Variants in PDGFD observed in about 807,000 individuals in gnomAD.
PDGFD encodes the protein platelet-derived growth factor D.
PDGFD carries 30 observed loss-of-function variants against 44.7 expected under a neutral mutation model. The ratio of observed to expected loss-of-function variants is 0.67; its 90% CI spans 0.50 to 0.91. The LOEUF (loss-of-function observed/expected upper bound fraction) is 0.91, where lower values mean the gene tolerates loss of function less well. Among genes scored for constraint, PDGFD ranks in the 40% least tolerant of loss-of-function variants. PDGFD has a pLI of 0.00. For missense variants in PDGFD, 445 were observed against 457.8 expected (o/e 0.97, Z 0.25); for synonymous variants, 173 against 168.4 (o/e 1.03, Z -0.21).
chr11:104,020,715 C>G (rs912159650), intron 1 of PDGFD, among the ~76,000 whole-genome samples: 2 of 152,044 alleles, frequency 1.3e-5, no homozygotes, highest in Non-Finnish European at 2.9e-5. Context: ...TCATATCTAT[C>G]CTAATATTAC....
chr11:104,160,153 G>T (rs1862369199), intron 1 of PDGFD, among the ~76,000 whole-genome samples: 1 of 152,082 alleles, frequency 6.6e-6, no homozygotes, highest in Non-Finnish European at 1.5e-5. Flanking sequence ...ACCACATTAA[G>T]AAACAAGCTT....
chr11:104,038,503 A>G (rs1860291766), intron 1 of PDGFD: 1 of 175,354 alleles, frequency 5.7e-6, no homozygotes, highest in Non-Finnish European at 1.4e-5. Flanking sequence ...TAGAAATGGT[A>G]GGTCAGTTAC....
At chr11:103,958,362 T>C (rs1858888330) in intron 3 of PDGFD, among the ~76,000 whole-genome samples, 1 of 152,190 alleles carries the variant, frequency 6.6e-6, no homozygotes, top group Non-Finnish European at 1.5e-5. Context: ...AAGTTCAGGT[T>C]TTCATAAATT....
intron 1 of PDGFD, among the ~76,000 whole-genome samples, chr11:104,014,413 T>C (rs67790686): frequency 0.098 from 14,864 of 152,138 alleles, 828 homozygotes; most frequent in African/African-American, 0.16. Context: ...GGAGGACTGC[T>C]TAAGCTCAGG....
intron 3 of PDGFD, among the ~76,000 whole-genome samples, chr11:103,956,323 T>C (rs1362291686): frequency 6.6e-6 from 1 of 151,754 alleles, no homozygotes; most frequent in Non-Finnish European, 1.5e-5. Flanking sequence ...TTTGGTTTTT[T>C]GTCTTTGCGA....
chr11:103,993,714 G>A (rs560310284), intron 3 of PDGFD, among the ~76,000 whole-genome samples: 1 of 152,208 alleles, frequency 6.6e-6, no homozygotes, highest in African/African-American at 2.4e-5. Flanking sequence ...GAAGAGTTTT[G>A]TCAAAAAGCC....
chr11:103,911,921 G>C (rs1209694554), intron 6 of PDGFD, among the ~76,000 whole-genome samples: 1 of 151,056 alleles, frequency 6.6e-6, no homozygotes, highest in Non-Finnish European at 1.5e-5. Flanking sequence ...GAGAAGACAA[G>C]ATTACAGAAA....
At chr11:104,155,045 T>C (rs1418008560) in intron 1 of PDGFD, among the ~76,000 whole-genome samples, 1 of 152,204 alleles carries the variant, frequency 6.6e-6, no homozygotes, top group Non-Finnish European at 1.5e-5. Flanking sequence ...CAGAGTCTAA[T>C]CCAAAGCGCC....
At chr11:103,917,392 T>C (rs1316724904) in intron 6 of PDGFD, among the ~76,000 whole-genome samples, 1 of 152,200 alleles carries the variant, frequency 6.6e-6, no homozygotes, top group Non-Finnish European at 1.5e-5. Context: ...AGCTATTACA[T>C]AGACATATAC....
At chr11:103,959,388 T>C (rs1591095270) in intron 3 of PDGFD, among the ~76,000 whole-genome samples, 1 of 152,194 alleles carries the variant, frequency 6.6e-6, no homozygotes, top group Non-Finnish European at 1.5e-5. Flanking sequence ...CTAAGGGGAT[T>C]TCCAGAGTCA....
chr11:104,152,717 T>C (rs1216156743), intron 1 of PDGFD, among the ~76,000 whole-genome samples: 1 of 152,152 alleles, frequency 6.6e-6, no homozygotes, highest in Non-Finnish European at 1.5e-5. Flanking sequence ...CATATTTCAC[T>C]GATAATTCTC....
At chr11:104,005,026 G>A (rs922551220) in intron 1 of PDGFD, among the ~76,000 whole-genome samples, 7 of 151,666 alleles carry the variant, frequency 4.6e-5, no homozygotes, top group South Asian at 2.1e-4. Context: ...TTATAGGCAC[G>A]CACCACCATG....
chr11:103,926,981 AC>A lies in PDGFD; in HGVS notation c.917del (p.Cys306LeufsTer19). 6.2e-7 allele frequency: 1 copy of A among 1,614,196 alleles called. No individual in the cohort carries two copies. The highest frequency in any genetic ancestry group is 1.7e-5 in the Admixed American group (1 of 60,028). ...CLLVQRCGGN[C>X]GCGTVNWRSC... is the part of the protein sequence containing the mutation. ...ACCTCCAGTTGACAGTTCCACAGCC[AC>A]AATTTCCTCCACAGCGCTGCACGAG... On this transcript the variant is annotated frameshift_variant, in exon 6 of 7. Coordinates refer to ENST00000393158, the MANE Select transcript of PDGFD (RefSeq NM_025208.5). LOFTEE classifies it high-confidence loss of function.
chr11:103,979,338 C>T (rs1487183420), intron 3 of PDGFD, among the ~76,000 whole-genome samples: 3 of 152,006 alleles, frequency 2.0e-5, no homozygotes, highest in Non-Finnish European at 4.4e-5. Flanking sequence ...TTCCTTGGGT[C>T]AGCTTTCTTC....
At chr11:104,015,540 T>C (rs553687863) in intron 1 of PDGFD, among the ~76,000 whole-genome samples, 2 of 152,290 alleles carry the variant, frequency 1.3e-5, no homozygotes, top group South Asian at 2.1e-4. Context: ...TTAAAGCAAA[T>C]GTGCACATAG....
intron 6 of PDGFD, among the ~76,000 whole-genome samples, chr11:103,924,764 G>T (rs568712668): frequency 6.6e-6 from 1 of 152,266 alleles, no homozygotes; most frequent in East Asian, 1.9e-4. Context: ...TACAAAGCTG[G>T]AGATTTTGTT....
intron 1 of PDGFD, among the ~76,000 whole-genome samples, chr11:104,089,596 T>C (rs894466467): frequency 6.6e-6 from 1 of 152,164 alleles, no homozygotes; most frequent in Non-Finnish European, 1.5e-5. Flanking sequence ...ATACAAGAAT[T>C]ATATCAATTG....
intron 3 of PDGFD, among the ~76,000 whole-genome samples, chr11:103,992,098 T>A (rs1179621940): frequency 6.6e-6 from 1 of 152,172 alleles, no homozygotes; most frequent in Non-Finnish European, 1.5e-5. Flanking sequence ...TACCAAATAT[T>A]TGACAACATT....
intron 1 of PDGFD, chr11:104,036,889 C>A (rs764164419): frequency 6.2e-7 from 1 of 1,614,136 alleles, no homozygotes; most frequent in Non-Finnish European, 8.5e-7. Flanking sequence ...CCAGGTCAGC[C>A]CCGACTTTGA....
Sources: gnomAD v4.1 joint callset for allele counts (sites outside exome capture counted in the v4.1 genomes callset) on GRCh38, gnomAD v4.1.1 for gene constraint, MANE v1.5 for transcripts, NCBI Gene and HGNC (gene_info 2026-07-23, HGNC 2026-07-21) for gene names.